The following TIPIN variants were observed in gnomAD, a reference collection of about 807,000 sequenced individuals.
The protein encoded by TIPIN is TIMELESS-interacting protein.
TIPIN carries 29 observed loss-of-function variants against 35.6 expected under a neutral mutation model. The observed-to-expected ratio is 0.82, with a 90% CI of 0.61 to 1.11. The LOEUF (loss-of-function observed/expected upper bound fraction) is 1.11, where lower values mean the gene tolerates loss of function less well. Ranked by LOEUF, TIPIN falls within the 50% of genes most tolerant of loss-of-function variation. The pLI, the probability that TIPIN is intolerant of heterozygous loss-of-function variation, is 0.00. For synonymous variants in TIPIN, 102 were observed against 121.5 expected (o/e 0.84, Z 1.06); for missense variants, 296 against 345.4 (o/e 0.86, Z 1.13).
chr15:66,379,620 AAGTAAGCATACAC>A lies in TIPIN; in HGVS notation c.-9+6974_-9+6986del, dbSNP rs2093310571. On this transcript the variant is annotated intron_variant, in intron 1 of 7. Transcript: ENST00000562124. Reference sequence around the variant, plus strand: ...CTCCGGGATAACGACGATGATGGGGAAGTAAGCATACACAGACCTCATCTTGTAACGGAAGCCC... The same window carrying A: ...CTCCGGGATAACGACGATGATGGGGAAGACCTCATCTTGTAACGGAAGCCC... The A allele has an allele frequency of 3.1e-6, 5 of 1,608,890 alleles. No individual in the cohort carries two copies. In the East Asian group the frequency reaches 8.9e-5, roughly 29 times the overall value.
intron 1 of TIPIN, among the ~76,000 whole-genome samples, chr15:66,378,505 C>A (rs1313567920): frequency 6.6e-6 from 1 of 152,128 alleles, no homozygotes; most frequent in Non-Finnish European, 1.5e-5. Flanking sequence ...TTTATTTTCT[C>A]AGCTTACCAT....
At chr15:66,359,197 AC>A (rs1210367522), upstream of TIPIN, among the ~76,000 whole-genome samples, 1 of 151,690 alleles carries the variant, frequency 6.6e-6, no homozygotes, top group African/African-American at 2.4e-5. Flanking sequence ...ACACACACAC[AC>A]AAAGATAGAA....
intron 1 of TIPIN, among the ~76,000 whole-genome samples, chr15:66,373,676 G>A (rs1289614820): frequency 1.3e-5 from 2 of 151,982 alleles, no homozygotes; most frequent in Non-Finnish European, 1.5e-5. Context: ...ATTTGATATT[G>A]TCTTTTTCTT....
intron 1 of TIPIN, among the ~76,000 whole-genome samples, chr15:66,378,083 A>C (rs1221464731): frequency 6.6e-6 from 1 of 151,848 alleles, no homozygotes; most frequent in East Asian, 1.9e-4. Flanking sequence ...GCTCACCACA[A>C]CCTCTGCCTC....
intron 1 of TIPIN, among the ~76,000 whole-genome samples, chr15:66,354,965 GTC>G (rs1176973749): frequency 1.3e-5 from 2 of 150,442 alleles, no homozygotes; most frequent in Non-Finnish European, 3.0e-5. Context: ...ACGAGGTTAA[GTC>G]TCTCTGTGTT....
chr15:66,372,015 G>C (rs899981183), intron 1 of TIPIN, among the ~76,000 whole-genome samples: 1 of 151,948 alleles, frequency 6.6e-6, no homozygotes, highest in African/African-American at 2.4e-5. Flanking sequence ...GGCTGGTTTT[G>C]AACTCCCGAG....
intron 1 of TIPIN, among the ~76,000 whole-genome samples, chr15:66,377,210 G>GTGATCTCTC (rs1442660189): frequency 6.6e-6 from 1 of 151,874 alleles, no homozygotes; most frequent in African/African-American, 2.4e-5. Flanking sequence ...TAAGTGAAAG[G>GTGATCTCTC]TGATCTCTCA....
chr15:66,385,960 G>A (rs958832759), intron 1 of TIPIN, among the ~76,000 whole-genome samples: 1 of 151,142 alleles, frequency 6.6e-6, no homozygotes. Flanking sequence ...AATAGAGACG[G>A]GGGACTCACT....
At chr15:66,384,634 C>T (rs892971443) in intron 1 of TIPIN, among the ~76,000 whole-genome samples, 1 of 151,568 alleles carries the variant, frequency 6.6e-6, no homozygotes, top group South Asian at 2.1e-4. Context: ...GAGTTCAGGC[C>T]GGGCGCAGTG....
chr15:66,360,346 C>T (rs950044256), upstream of TIPIN, among the ~76,000 whole-genome samples: 3 of 152,278 alleles, frequency 2.0e-5, no homozygotes. Context: ...TGGCTCACAC[C>T]TGTAATCCCA....
intron 1 of TIPIN, chr15:66,379,889 A>C: frequency 2.5e-6 from 4 of 1,574,804 alleles, no homozygotes; most frequent in Non-Finnish European, 3.4e-6. Flanking sequence ...GAATGTCGAC[A>C]GTCTGATTAA....
chr15:66,352,897 A>G lies in TIPIN; in HGVS notation c.51T>C (p.His17=). ...AAGGAGGAAAAGTTTCATCTTCTAC[A>G]TGCTCATAATCTGGTAGGTCAATCA... ...NGVIDLPDYE[H]VEDETFPPFP... is the part of the protein sequence containing the mutation. The change falls in exon 2 of 8, where the codon CAT becomes CAC. Residue 17 remains histidine, a synonymous_variant. Coordinates refer to ENST00000261881, the MANE Select transcript of TIPIN (RefSeq NM_017858.3). The G allele has an allele frequency of 6.2e-7, 1 of 1,614,082 alleles. No individual in the cohort carries two copies. Among genetic ancestry groups the G allele is most frequent in the Non-Finnish European group, 8.5e-7 (1 of 1,180,000 alleles).
At chr15:66,371,206 C>CAA (rs200596294) in intron 1 of TIPIN, 73,495 of 860,056 alleles carry the variant, frequency 0.085, 930 homozygotes, top group East Asian at 0.32. Flanking sequence ...GGGAAACTCT[C>CAA]AAAAAAAAAA....
rs56719693 is a variant in TIPIN at position 66,340,522 on chromosome 15, T to C, written c.682+628A>G. ...GTTATAATTATTGTCCTAAAGGTAA[T>C]AGTATATGGCACATGCTTTAAGGAG... is the stretch of plus-strand genomic sequence containing the variant. On this transcript the variant is annotated intron_variant, in intron 7 of 7. Coordinates refer to ENST00000261881, the MANE Select transcript of TIPIN (RefSeq NM_017858.3). Among the ~76,000 whole-genome samples, 94 of 151,982 alleles carry C rather than the reference T, an allele frequency of 6.2e-4. No individual in the cohort carries two copies. In the East Asian group the frequency reaches 0.018, roughly 29 times the overall value.
chr15:66,355,730 G>A (rs1013849132), intron 1 of TIPIN, among the ~76,000 whole-genome samples: 7 of 152,150 alleles, frequency 4.6e-5, no homozygotes, highest in Non-Finnish European at 8.8e-5. Context: ...CAGCCTGAGC[G>A]AAAGAGCGAG....
chr15:66,375,562 G>A (rs1304495624), intron 1 of TIPIN, among the ~76,000 whole-genome samples: 2 of 148,468 alleles, frequency 1.3e-5, no homozygotes, highest in Non-Finnish European at 3.0e-5. Context: ...GCAGCAGCTG[G>A]GCGCGGTGGC....
chr15:66,380,038 G>A, intron 1 of TIPIN: 1 of 438,706 alleles, frequency 2.3e-6, no homozygotes, highest in South Asian at 2.2e-5. Context: ...GTCTCGCTCT[G>A]TCACCCAGGC....
chr15:66,354,911 T>C (rs923245716), intron 1 of TIPIN, among the ~76,000 whole-genome samples: 2 of 152,184 alleles, frequency 1.3e-5, no homozygotes, highest in African/African-American at 4.8e-5. Context: ...TATACAGTTA[T>C]TTATTGTTCG....
At chr15:66,371,585 C>G (rs2093277898) in intron 1 of TIPIN, among the ~76,000 whole-genome samples, 1 of 151,342 alleles carries the variant, frequency 6.6e-6, no homozygotes. Context: ...GCGATCTCGG[C>G]TCACTGCAAG....
Sources: gnomAD v4.1 joint callset for allele counts (sites outside exome capture counted in the v4.1 genomes callset) on GRCh38, gnomAD v4.1.1 for gene constraint, MANE v1.5 for transcripts, NCBI Gene and HGNC (gene_info 2026-07-23, HGNC 2026-07-21) for gene names.